CYFIP1: variants seen among roughly 807,000 people sequenced by gnomAD.
The protein encoded by CYFIP1 is cytoplasmic FMR1 interacting protein 1.
In CYFIP1, 58 loss-of-function variants were observed where a neutral mutation model predicts 163.5. The observed-to-expected ratio is 0.35, with a 90% CI of 0.29 to 0.44. The LOEUF (loss-of-function observed/expected upper bound fraction) is 0.44. Ranked by LOEUF, CYFIP1 falls within the 20% of genes least tolerant of loss-of-function variation. The probability of loss-of-function intolerance (pLI) is 1.00; values close to 1 mark genes in which losing one functional copy is unlikely to be tolerated. For missense variants in CYFIP1, 1,338 were observed against 1,653.8 expected (o/e 0.81, Z 3.31); for synonymous variants, 663 against 660.7 (o/e 1.00, Z -0.05).
intron 29 of CYFIP1, 61 bp from the exon 30 acceptor site, chr15:22,873,033 A>AG: frequency 6.3e-7 from 1 of 1,581,930 alleles, no homozygotes; most frequent in South Asian, 1.1e-5. Context: ...GTCTTTTCTC[A>AG]GTCTGTCTCC....
chr15:22,930,520 G>C (rs955977149), intron 11 of CYFIP1, among the ~76,000 whole-genome samples: 1 of 152,016 alleles, frequency 6.6e-6, no homozygotes, highest in Non-Finnish European at 1.5e-5. Flanking sequence ...ACACATGATG[G>C]TGCTCCCATA....
chr15:22,867,358 T>C lies in CYFIP1; in HGVS notation c.*2670A>G. The C allele has an allele frequency of 2.5e-6, 1 of 394,396 alleles. No homozygotes were observed. Among genetic ancestry groups the C allele is most frequent in the Admixed American group, 4.4e-5 (1 of 22,644 alleles). 24.4% of individuals were successfully genotyped at this position (394,396 alleles called of 1,614,324 possible). On this transcript the variant is annotated 3_prime_UTR_variant, in exon 31 of 31. Transcript: ENST00000617928. ...AAATATTTATTAAGGGAAAACTAAG[T>C]TACTGAATGAAGGAACCTCTTTCTT... is the stretch of plus-strand genomic sequence containing the variant.
At chr15:22,943,735 T>C (rs1382808846) in intron 5 of CYFIP1, among the ~76,000 whole-genome samples, 1 of 152,136 alleles carries the variant, frequency 6.6e-6, no homozygotes, top group Non-Finnish European at 1.5e-5. Flanking sequence ...AAAACAAAAA[T>C]TCATCTCCCA....
At chr15:22,875,822 C>G (rs1479742954) in intron 26 of CYFIP1, among the ~76,000 whole-genome samples, 16 of 148,886 alleles carry the variant, frequency 1.1e-4, no homozygotes, top group Non-Finnish European at 5.9e-5. Context: ...CCGAACTGCT[C>G]TTGGGTCACA....
At chr15:22,877,245 A>T (rs2059612544) in intron 26 of CYFIP1, among the ~76,000 whole-genome samples, 1 of 152,180 alleles carries the variant, frequency 6.6e-6, no homozygotes, top group Non-Finnish European at 1.5e-5. Flanking sequence ...GCTGCCTCTC[A>T]TGTTTGTTCT....
chr15:22,899,195 A>G (rs1566943253), intron 22 of CYFIP1, among the ~76,000 whole-genome samples: 1 of 152,122 alleles, frequency 6.6e-6, no homozygotes, highest in Non-Finnish European at 1.5e-5. Context: ...CAAATGAGTA[A>G]TATACTAAGA....
chr15:22,940,251 C>T (rs1233750905), intron 6 of CYFIP1, among the ~76,000 whole-genome samples: 1 of 152,156 alleles, frequency 6.6e-6, no homozygotes, highest in Non-Finnish European at 1.5e-5. Flanking sequence ...AGGCTGATAA[C>T]CTACACCAAC....
At position 22,918,776 on chromosome 15, in the gene CYFIP1, TAG is replaced by T; in HGVS notation, c.1440_1441del (p.Tyr481CysfsTer12). 1 of 1,613,538 alleles carries T rather than the reference TAG, an allele frequency of 6.2e-7. No homozygotes were observed. Among genetic ancestry groups the T allele is most frequent in the Admixed American group, 1.7e-5 (1 of 59,968 alleles). ...CTGGGAGAAGTCCTGCAGTGCGGCA[TAG>T]ACGGTGTGCCGGATGGCGTGGTTGA... On this transcript the variant is annotated frameshift_variant, in exon 14 of 31. Transcript: ENST00000617928. LOFTEE classifies it high-confidence loss of function.
intron 22 of CYFIP1, 72 bp from the exon 23 acceptor site, chr15:22,893,049 C>T: frequency 1.8e-6 from 2 of 1,107,438 alleles, no homozygotes; most frequent in Admixed American, 1.9e-5. Context: ...CAGAAGTCCT[C>T]CATAATCCAT....
At chr15:22,908,933 G>A (rs1348436689) in intron 21 of CYFIP1, among the ~76,000 whole-genome samples, 1 of 152,168 alleles carries the variant, frequency 6.6e-6, no homozygotes. Flanking sequence ...CAAGATTGGG[G>A]TTATGTGTTT....
At chr15:22,960,552 G>A (rs1328046484) in intron 1 of CYFIP1, among the ~76,000 whole-genome samples, 1 of 152,204 alleles carries the variant, frequency 6.6e-6, no homozygotes, top group Non-Finnish European at 1.5e-5. Context: ...CTGTGGGAAA[G>A]GTATCCAGGC....
intron 20 of CYFIP1, among the ~76,000 whole-genome samples, 185 bp from the exon 21 acceptor site, chr15:22,909,498 G>A (rs1307438673): frequency 1.3e-5 from 2 of 152,060 alleles, no homozygotes; most frequent in African/African-American, 4.8e-5. Flanking sequence ...GTGTTATGAC[G>A]ATAAATAAAA....
chr15:22,871,137 C>CAG (rs1472960014), intron 30 of CYFIP1, among the ~76,000 whole-genome samples: 1 of 152,088 alleles, frequency 6.6e-6, no homozygotes. Flanking sequence ...TAGAGATGGG[C>CAG]AGATACAAAT....
chr15:22,977,142 T>G (rs1478275719), intron 1 of CYFIP1, among the ~76,000 whole-genome samples: 2 of 151,300 alleles, frequency 1.3e-5, no homozygotes, highest in Non-Finnish European at 2.9e-5. Flanking sequence ...GAGGTTGCGG[T>G]GGGCCGAGAT....
intron 3 of CYFIP1, among the ~76,000 whole-genome samples, chr15:22,945,221 C>T (rs571876592): frequency 6.6e-6 from 1 of 152,312 alleles, no homozygotes; most frequent in South Asian, 2.1e-4. Flanking sequence ...CCACCCAGCC[C>T]TCAACAACCT....
intron 9 of CYFIP1, among the ~76,000 whole-genome samples, chr15:22,934,348 A>C (rs8043426): frequency 6.7e-5 from 10 of 149,856 alleles, no homozygotes; most frequent in African/African-American, 2.4e-4. Context: ...CACCACACCC[A>C]GCTAATTTTT....
intron 13 of CYFIP1, 129 bp downstream of exon 13, chr15:22,925,853 G>T: frequency 7.3e-7 from 1 of 1,363,120 alleles, no homozygotes; most frequent in Non-Finnish European, 1.0e-6. Flanking sequence ...TACTCTGCCA[G>T]ATGGAAAGGG....
At chr15:22,902,730 G>A (rs747161696) in intron 22 of CYFIP1, among the ~76,000 whole-genome samples, 13 of 152,164 alleles carry the variant, frequency 8.5e-5, no homozygotes, top group Non-Finnish European at 1.3e-4. Flanking sequence ...AGCCCAGAGC[G>A]CGTGGCCATG....
chr15:22,916,885 CA>C, intron 15 of CYFIP1: 1 of 1,551,880 alleles, frequency 6.4e-7, no homozygotes. Flanking sequence ...GTCTTACCAC[CA>C]AAGGTTAAAA....
Sources: allele counts gnomAD v4.1 joint callset (sites outside exome capture counted in the v4.1 genomes callset), GRCh38; gene constraint gnomAD v4.1.1; transcripts MANE v1.5; gene names NCBI Gene and HGNC (gene_info 2026-07-23, HGNC 2026-07-21).